The following SCNN1A variants were observed in gnomAD, a reference collection of about 807,000 sequenced individuals.
SCNN1A encodes epithelial sodium channel subunit alpha.
A neutral mutation model predicts 68.6 loss-of-function variants in SCNN1A; 65 were observed. That is an observed-to-expected ratio of 0.95 (90% CI 0.78 to 1.16). SCNN1A has a LOEUF of 1.16. SCNN1A is among the 50% of genes most tolerant of loss of function. The pLI, the probability that SCNN1A is intolerant of heterozygous loss-of-function variation, is 0.00. For synonymous variants in SCNN1A, 357 were observed against 353.3 expected (o/e 1.01, Z -0.12); for missense variants, 880 against 865.9 (o/e 1.02, Z -0.20).
Position 6,371,557 on chromosome 12 carries a change from TG to T in SCNN1A, c.416+2810del, listed in dbSNP as rs1210272403. ...GGGGGGTGGGGGTGAGGGTGGACGG[TG>T]GGGGTGGGGGTGGGGCGGGGGGCGG... On this transcript the variant is annotated intron_variant, in intron 2 of 12. Coordinates refer to ENST00000228916, the MANE Select transcript of SCNN1A (RefSeq NM_001038.6). Among the ~76,000 whole-genome samples, 56 of 24,186 alleles carry T rather than the reference TG, an allele frequency of 2.3e-3. 2 individuals are homozygous for T. The highest frequency in any genetic ancestry group is 8.7e-3 in the African/African-American group (53 of 6,080). The allele number at this position is 24,186 out of a possible 152,430, so 15.9% of individuals were successfully genotyped here.
At chr12:6,353,231 T>TA (rs11366729) in intron 8 of SCNN1A, among the ~76,000 whole-genome samples, 305 of 150,634 alleles carry the variant, frequency 2.0e-3, no homozygotes, top group African/African-American at 6.8e-3. Flanking sequence ...CTTGTTCAGT[T>TA]AAAAAAAAAA....
chr12:6,376,236 C>T (rs966545879), upstream of SCNN1A: 7 of 968,026 alleles, frequency 7.2e-6, no homozygotes, highest in Non-Finnish European at 8.6e-6. Flanking sequence ...CCTCCTCTTT[C>T]CTGCTGATTC....
rs72657579 is a variant in SCNN1A at position 6,355,238 on chromosome 12, C to T, written c.1143+34G>A. Reference sequence around the variant, plus strand: ...CCCGCTGCCCCTCTGCAATCTGAGGCGCTCCTTCCAGGCCTCCCAGTCAGC... The same window carrying T: ...CCCGCTGCCCCTCTGCAATCTGAGGTGCTCCTTCCAGGCCTCCCAGTCAGC... On this transcript the variant is annotated intron_variant, in intron 6 of 12. Coordinates refer to ENST00000228916, the MANE Select transcript of SCNN1A (RefSeq NM_001038.6). The T allele has an allele frequency of 9.4e-4, 1,501 of 1,601,234 alleles. 14 individuals are homozygous for T. The African/African-American group carries it at 0.015, about 16-fold the overall frequency.
chr12:6,348,704 G>A (rs1948311745), intron 12 of SCNN1A, 23 bp downstream of exon 12: 1 of 1,600,258 alleles, frequency 6.2e-7, no homozygotes, highest in Admixed American at 1.7e-5. Flanking sequence ...GAGCATCACA[G>A]GCTCCATCCA....
Position 6,363,723 on chromosome 12 carries a change from G to T in SCNN1A, c.417-13C>A, listed in dbSNP as rs200631774. On this transcript the variant is annotated splice_polypyrimidine_tract_variant and intron_variant, in intron 2 of 12. Transcript: ENST00000228916. ...AATTTCCGGGTACCTGAAGGGGCGA[G>T]GGGAAGAGGGTCAGGCCAGGGGCCC... is the stretch of plus-strand genomic sequence containing the variant. 2 of 1,588,612 alleles carry T rather than the reference G, an allele frequency of 1.3e-6. No homozygotes were observed. Among genetic ancestry groups the T allele is most frequent in the African/African-American group, 2.7e-5 (2 of 73,102 alleles).
chr12:6,354,291 T>A (rs1948453254), intron 8 of SCNN1A, 147 bp downstream of exon 8: 4 of 704,256 alleles, frequency 5.7e-6, no homozygotes, highest in Non-Finnish European at 1.0e-5. Flanking sequence ...AGGCAGAGAC[T>A]AAAGGCTGAA....
In SCNN1A at chr12:6,347,904, C is replaced by G. The variant is rs1257362571; in HGVS notation, c.1979G>C (p.Ser660Thr). The change falls in exon 13 of 13, where the codon AGT (serine) becomes ACT (threonine). Residue 660 changes from serine to threonine, a missense_variant. Around this residue, in one of 3 missense-constraint regions of SCNN1A, gnomAD observed 758 missense variants for 721.8 expected, o/e 1.05. Transcript: ENST00000228916. ...RPSPGGSAGA[S>T]SSTCPLGGP ...CCCCCCCAGAGGACAGGTGGAGGAACTGGCCCCTGCAGAGCCCCCTGGAGA... is the reference window on the plus strand; with the variant it reads ...CCCCCCCAGAGGACAGGTGGAGGAAGTGGCCCCTGCAGAGCCCCCTGGAGA... The G allele has an allele frequency of 1.9e-6, 3 of 1,597,952 alleles. No homozygotes were observed. The highest frequency in any genetic ancestry group is 2.6e-6 in the Non-Finnish European group (3 of 1,172,288).
intron 2 of SCNN1A, among the ~76,000 whole-genome samples, chr12:6,367,193 G>A (rs1001146266): frequency 4.0e-5 from 6 of 151,702 alleles, no homozygotes; most frequent in Admixed American, 6.6e-5. Flanking sequence ...AGCCGTGATC[G>A]TGTGACTACA....
chr12:6,349,320 C>A lies in SCNN1A; in HGVS notation c.1439+7G>T, dbSNP rs1187657979. ...CCCAACCTGTACCCGGGGAAGGGGACACTAACCTGCATGGCTTCCGGCACT... is the reference window on the plus strand; with the variant it reads ...CCCAACCTGTACCCGGGGAAGGGGAAACTAACCTGCATGGCTTCCGGCACT... On this transcript the variant is annotated splice_region_variant and intron_variant, in intron 9 of 12. Transcript: ENST00000228916. 1 of 1,613,688 alleles carries A rather than the reference C, an allele frequency of 6.2e-7. No individual in the cohort carries two copies. Among genetic ancestry groups the A allele is most frequent in the Non-Finnish European group, 8.5e-7 (1 of 1,179,772 alleles).
At chr12:6,356,122 G>C (rs1948493853) in intron 4 of SCNN1A, 1 of 568,964 alleles carries the variant, frequency 1.8e-6, no homozygotes, top group Non-Finnish European at 3.2e-6. Flanking sequence ...AGAGGAGGAA[G>C]CTAAGGCTCA....
chr12:6,354,998 C>T (rs1592067152), intron 6 of SCNN1A, 150 bp from the exon 7 acceptor site: 3 of 776,784 alleles, frequency 3.9e-6, no homozygotes, highest in East Asian at 5.2e-5. Context: ...ACCCCCATGC[C>T]CACCCACTGC....
At chr12:6,367,071 C>G (rs960133992) in intron 2 of SCNN1A, among the ~76,000 whole-genome samples, 1 of 152,022 alleles carries the variant, frequency 6.6e-6, no homozygotes, top group Non-Finnish European at 1.5e-5. Flanking sequence ...AACCTTGTAT[C>G]TACAAAAAAT....
At chr12:6,354,624 T>C in intron 7 of SCNN1A, 69 bp from the exon 8 acceptor site, 1 of 1,413,432 alleles carries the variant, frequency 7.1e-7, no homozygotes, top group Non-Finnish European at 1.0e-6. Flanking sequence ...GCACAGAGCC[T>C]CCATCCTCTT....
chr12:6,349,311 G>T lies in SCNN1A; in HGVS notation c.1439+16C>A. 1 of 1,613,630 alleles carries T rather than the reference G, an allele frequency of 6.2e-7. No homozygotes were observed. The highest frequency in any genetic ancestry group is 8.5e-7 in the Non-Finnish European group (1 of 1,179,636). On this transcript the variant is annotated intron_variant, in intron 9 of 12. Coordinates refer to ENST00000228916, the MANE Select transcript of SCNN1A (RefSeq NM_001038.6). ...TGTATTCTACCCAACCTGTACCCGGGGAAGGGGACACTAACCTGCATGGCT... is the reference window on the plus strand; with the variant it reads ...TGTATTCTACCCAACCTGTACCCGGTGAAGGGGACACTAACCTGCATGGCT...
chr12:6,350,759 C>T (rs992136954), intron 8 of SCNN1A, among the ~76,000 whole-genome samples: 21 of 152,218 alleles, frequency 1.4e-4, no homozygotes, highest in African/African-American at 3.1e-4. Context: ...ATTGCTTGAA[C>T]CTAGGAGGTG....
intron 4 of SCNN1A, among the ~76,000 whole-genome samples, chr12:6,359,475 C>G (rs1252141507): frequency 2.0e-5 from 3 of 152,120 alleles, no homozygotes; most frequent in Admixed American, 6.6e-5. Flanking sequence ...GTGATCCTAG[C>G]TGGGAGGTGT....
chr12:6,365,941 C>T (rs1322304803), intron 2 of SCNN1A, among the ~76,000 whole-genome samples: 1 of 152,068 alleles, frequency 6.6e-6, no homozygotes, highest in Non-Finnish European at 1.5e-5. Context: ...TCACAAGCTC[C>T]GCCTCCGGGT....
At chr12:6,362,373 A>G (rs1948594839) in intron 3 of SCNN1A, 132 bp from the exon 4 acceptor site, 1 of 806,952 alleles carries the variant, frequency 1.2e-6, no homozygotes, top group Non-Finnish European at 2.2e-6. Flanking sequence ...GGAGTGGGGA[A>G]AGACAGAAGT....
rs1948808533 is a variant in SCNN1A, at chr12:6,372,380, G to A, written c.416+1988C>T. The stretch of plus-strand genomic sequence containing the variant: ...TGGGTGTTGCATCTCCTCCCGCTGT[G>A]CTGGGGAGCCCTTCCCCGACTCCTC... On this transcript the variant is annotated intron_variant, in intron 2 of 12. Coordinates refer to ENST00000228916, the MANE Select transcript of SCNN1A (RefSeq NM_001038.6). This position sits in a 1 kb window ranked among gnomAD's most constrained non-coding sequence, Gnocchi z 5.8. 6.6e-6 allele frequency among the ~76,000 whole-genome samples: 1 copy of A among 152,092 alleles called. No homozygotes were observed.
Sources: allele counts gnomAD v4.1 joint callset (sites outside exome capture counted in the v4.1 genomes callset), GRCh38; gene constraint gnomAD v4.1.1; regional missense constraint gnomAD v4.1.1; non-coding constraint Gnocchi (gnomAD v3.1); transcripts MANE v1.5; gene names NCBI Gene and HGNC (gene_info 2026-07-23, HGNC 2026-07-21).